Variants in CPNE4 observed in about 807,000 individuals in gnomAD.
CPNE4 encodes the protein copine-4.
CPNE4 carries 25 observed loss-of-function variants against 67.9 expected under a neutral mutation model. The ratio of observed to expected loss-of-function variants is 0.37; its 90% CI spans 0.27 to 0.51. The LOEUF (loss-of-function observed/expected upper bound fraction) is 0.51, where lower values mean the gene tolerates loss of function less well. CPNE4 is among the 20% of genes least tolerant of loss of function. CPNE4 has a pLI of 0.93. For synonymous variants in CPNE4, 242 were observed against 244.9 expected (o/e 0.99, Z 0.11); for missense variants, 464 against 690.8 (o/e 0.67, Z 3.68).
intron 7 of CPNE4, among the ~76,000 whole-genome samples, chr3:131,668,301 G>A (rs2080314005): frequency 6.6e-6 from 1 of 152,190 alleles, no homozygotes; most frequent in Non-Finnish European, 1.5e-5. Context: ...TCTGTCAGAA[G>A]GTTTGTGGGG....
chr3:131,866,167 C>A (rs2086941345), intron 2 of CPNE4, among the ~76,000 whole-genome samples: 1 of 152,120 alleles, frequency 6.6e-6, no homozygotes, highest in African/African-American at 2.4e-5. Context: ...TCACAGTGCC[C>A]AAAATAAAGG....
At chr3:132,002,073 G>A (rs1006385880) in intron 1 of CPNE4, among the ~76,000 whole-genome samples, 7 of 152,018 alleles carry the variant, frequency 4.6e-5, no homozygotes, top group Admixed American at 2.6e-4. Context: ...ACCCAGTAGC[G>A]CCAGCTAATA....
chr3:131,743,652 A>G (rs935427480), intron 2 of CPNE4, among the ~76,000 whole-genome samples: 1 of 152,232 alleles, frequency 6.6e-6, no homozygotes, highest in Admixed American at 6.5e-5. Flanking sequence ...ACATTAAAAC[A>G]GGGAAACACA....
chr3:131,738,040 A>G (rs1164534992), intron 2 of CPNE4, among the ~76,000 whole-genome samples: 1 of 152,186 alleles, frequency 6.6e-6, no homozygotes, highest in African/African-American at 2.4e-5. Flanking sequence ...ATACATCTCC[A>G]TCCATCCTAA....
chr3:131,771,722 C>T (rs2083170991), intron 2 of CPNE4, among the ~76,000 whole-genome samples: 1 of 152,096 alleles, frequency 6.6e-6, no homozygotes, highest in South Asian at 2.1e-4. Context: ...TTTATAGCAA[C>T]ACACAAACAG....
intron 1 of CPNE4, among the ~76,000 whole-genome samples, chr3:131,987,429 C>T (rs2073081097): frequency 6.7e-6 from 1 of 150,172 alleles, no homozygotes. Context: ...TCTTGTCACA[C>T]AGGCTGCAGG....
chr3:131,732,053 T>A (rs985228261), intron 2 of CPNE4, among the ~76,000 whole-genome samples: 2 of 152,164 alleles, frequency 1.3e-5, no homozygotes, highest in African/African-American at 4.8e-5. Flanking sequence ...GTAGAACCAA[T>A]AATACTATAT....
At chr3:131,936,474 C>T (rs1560630984) in intron 1 of CPNE4, among the ~76,000 whole-genome samples, 3 of 152,064 alleles carry the variant, frequency 2.0e-5, no homozygotes, top group Non-Finnish European at 4.4e-5. Context: ...TCTGTCTATG[C>T]AGCAGCAGCA....
intron 7 of CPNE4, among the ~76,000 whole-genome samples, chr3:131,657,754 C>T (rs955640910): frequency 3.4e-5 from 5 of 147,024 alleles, no homozygotes; most frequent in South Asian, 2.2e-4. Flanking sequence ...TTAGTAGAAA[C>T]GGGGTTTCGC....
chr3:131,550,013 G>A lies in CPNE4; in HGVS notation c.1236C>T (p.Asn412=). ...LPKLQLYGPT[N]IAPIIQKVAK... ...CAACCTTCTGGATGATGGGGGCAAT[G>A]TTGGTGGGACCGTAGAGTTGGAGCT... Residue 412 remains asparagine, a synonymous_variant, in exon 14 of 16, where the codon AAC becomes AAT. Transcript: ENST00000429747. 3.1e-6 allele frequency: 5 copies of A among 1,613,318 alleles called. No individual in the cohort carries two copies. The highest frequency in any genetic ancestry group is 4.2e-6 in the Non-Finnish European group (5 of 1,179,484).
At position 131,534,438 on chromosome 3, in the gene CPNE4, C is replaced by T. The variant is rs1189440007; in HGVS notation, c.*757G>A. 1 of 152,188 alleles carries T rather than the reference C, an allele frequency of 6.6e-6. No individual in the cohort carries two copies. Among genetic ancestry groups the T allele is most frequent in the Non-Finnish European group, 1.5e-5 (1 of 68,034 alleles). 9.4% of individuals were successfully genotyped at this position (152,188 alleles called of 1,614,324 possible). A position where few individuals can be genotyped will look rare whatever the true frequency, so the allele number is the denominator to read the frequency against. ...CACCCTAAAGTCTAGATCCTCACTCCTCTTGGTATAGTCCAGGGACTGCAT... is the reference window on the plus strand; with the variant it reads ...CACCCTAAAGTCTAGATCCTCACTCTTCTTGGTATAGTCCAGGGACTGCAT... On this transcript the variant is annotated 3_prime_UTR_variant, in exon 16 of 16. Transcript: ENST00000429747.
intron 2 of CPNE4, among the ~76,000 whole-genome samples, chr3:131,792,921 G>GTATA (rs1280851099): frequency 3.8e-4 from 22 of 58,386 alleles, no homozygotes; most frequent in Middle Eastern, 7.5e-3. Flanking sequence ...GTGTGTGTGT[G>GTATA]TGTGTATCTC....
At chr3:131,555,965 A>G (rs957321502) in intron 11 of CPNE4, among the ~76,000 whole-genome samples, 1 of 152,112 alleles carries the variant, frequency 6.6e-6, no homozygotes, top group African/African-American at 2.4e-5. Context: ...AGAGATAGTT[A>G]TTCCCCTTCT....
At chr3:131,951,984 C>T (rs533916400) in intron 1 of CPNE4, among the ~76,000 whole-genome samples, 39 of 152,166 alleles carry the variant, frequency 2.6e-4, no homozygotes, top group African/African-American at 8.9e-4. Flanking sequence ...CCAGCCGCCA[C>T]CCCGTCTGGG....
At chr3:131,612,585 C>T (rs558611898) in intron 7 of CPNE4, among the ~76,000 whole-genome samples, 116 of 152,200 alleles carry the variant, frequency 7.6e-4, no homozygotes, top group African/African-American at 2.6e-3. Flanking sequence ...GCATCTCTCT[C>T]TTAGATCTAG....
intron 1 of CPNE4, among the ~76,000 whole-genome samples, chr3:131,921,610 C>T (rs182087709): frequency 7.2e-5 from 11 of 152,212 alleles, no homozygotes; most frequent in Admixed American, 6.5e-4. Flanking sequence ...GGTTTACTAA[C>T]CATAATGATA....
chr3:131,727,904 A>T (rs973280629), intron 2 of CPNE4, among the ~76,000 whole-genome samples: 2 of 152,166 alleles, frequency 1.3e-5, no homozygotes, highest in African/African-American at 4.8e-5. Context: ...TTTGAGATTT[A>T]TTCATGTGGT....
Position 131,587,523 on chromosome 3 carries a change from C to G in CPNE4, c.741G>C (p.Ser247=). ...GKHDFIGEFT[S]TFKEMRGAME... The stretch of plus-strand genomic sequence containing the variant: ...TTGCTCCTCTCATCTCCTTGAATGT[C>G]GAGGTGAATTCTCCAATGAAGTCAT... Residue 247 remains serine (S), a synonymous_variant, in exon 8 of 16, where the codon TCG becomes TCC. Coordinates refer to ENST00000429747, the MANE Select transcript of CPNE4 (RefSeq NM_130808.3). 1 of 1,613,778 alleles carries G rather than the reference C, an allele frequency of 6.2e-7. No homozygotes were observed. Among genetic ancestry groups the G allele is most frequent in the Non-Finnish European group, 8.5e-7 (1 of 1,179,750 alleles).
chr3:131,593,390 T>C lies in CPNE4; in HGVS notation c.682-5808A>G, dbSNP rs192042551. Among the ~76,000 whole-genome samples, 5 of 152,354 alleles carry C rather than the reference T, an allele frequency of 3.3e-5. No individual in the cohort carries two copies. In the East Asian group the frequency reaches 5.8e-4, roughly 18 times the overall value. On this transcript the variant is annotated intron_variant, in intron 7 of 15. Coordinates refer to ENST00000429747, the MANE Select transcript of CPNE4 (RefSeq NM_130808.3). Reference sequence around the variant, plus strand: ...AGCCTTTCAACTCTTTGGTTAAGTCTATCCCTAAGTATTTTACTGTTCTTG... The same window carrying C: ...AGCCTTTCAACTCTTTGGTTAAGTCCATCCCTAAGTATTTTACTGTTCTTG...
Sources: allele counts gnomAD v4.1 joint callset (sites outside exome capture counted in the v4.1 genomes callset), GRCh38; gene constraint gnomAD v4.1.1; transcripts MANE v1.5; gene names NCBI Gene and HGNC (gene_info 2026-07-23, HGNC 2026-07-21).